Variants in DDX46 observed in about 807,000 individuals in gnomAD.
DDX46 encodes DEAD-box helicase 46, also known as probable ATP-dependent RNA helicase DDX46.
A neutral mutation model predicts 134.9 loss-of-function variants in DDX46; 30 were observed. The ratio of observed to expected loss-of-function variants is 0.22; its 90% CI spans 0.17 to 0.30. DDX46 has a LOEUF of 0.30. Among genes scored for constraint, DDX46 ranks in the 10% least tolerant of loss-of-function variants. DDX46 has a pLI of 1.00. For synonymous variants in DDX46, 415 were observed against 404.1 expected (o/e 1.03, Z -0.32); for missense variants, 622 against 1,248.7 (o/e 0.50, Z 7.56).
chr5:134,758,872 C>G lies in DDX46; in HGVS notation c.-67C>G. The stretch of plus-strand genomic sequence containing the variant: ...TTGCCGGGCGTTGAGGGCAGCTCAG[C>G]CTCCTTGTTTGTCCGGTTCGCCTGT... On this transcript the variant is annotated 5_prime_UTR_variant, in exon 1 of 23. Coordinates refer to ENST00000452510, the MANE Select transcript of DDX46 (RefSeq NM_001300860.2). 6.2e-7 allele frequency: 1 copy of G among 1,613,074 alleles called. No individual in the cohort carries two copies. The highest frequency in any genetic ancestry group is 8.5e-7 in the Non-Finnish European group (1 of 1,179,320).
rs151198008 is a variant in DDX46 at position 134,763,389 on chromosome 5, T to C, written c.18-515T>C. Among the ~76,000 whole-genome samples the C allele has an allele frequency of 2.8e-4, 43 of 152,306 alleles. No individual in the cohort carries two copies. In the East Asian group the frequency reaches 6.0e-3, roughly 21 times the overall value. On this transcript the variant is annotated intron_variant, in intron 1 of 22. Coordinates refer to ENST00000452510, the MANE Select transcript of DDX46 (RefSeq NM_001300860.2). The stretch of plus-strand genomic sequence containing the variant: ...CTGCTGTTTTTCTGACCTCGTCTTA[T>C]GGCACGCTGTGTCACTCTTTCAACA...
chr5:134,821,529 GTTTTTTGTTTTTT>G (rs1249099807), intron 21 of DDX46, among the ~76,000 whole-genome samples: 6 of 143,392 alleles, frequency 4.2e-5, no homozygotes, highest in African/African-American at 1.6e-4. Context: ...TTGTTTCTGG[GTTTTTTGTTTTTT>G]TTTTTTTTTG....
At chr5:134,789,150 T>C (rs888704370) in intron 12 of DDX46, 4 of 152,236 alleles carry the variant, frequency 2.6e-5, no homozygotes, top group Admixed American at 2.6e-4. Context: ...TGTTATGCTT[T>C]GTTAAATTAT....
Position 134,777,586 on chromosome 5 carries a change from A to G in DDX46, c.626A>G (p.Asp209Gly). 1 of 1,612,782 alleles carries G rather than the reference A, an allele frequency of 6.2e-7. No individual in the cohort carries two copies. Among genetic ancestry groups the G allele is most frequent in the Non-Finnish European group, 8.5e-7 (1 of 1,179,782 alleles). The part of the protein sequence containing the change: ...SLEDDDDDED[D>G]PAEAEKEGNE... ...TCTGGTATTTTAGATGACGAAGATG[A>G]TCCTGCAGAAGCTGAAAAGGAGGGA... The change falls in exon 6 of 23, where the codon GAT (aspartate) becomes GGT (glycine). Residue 209 changes from aspartate (D) to glycine (G), a missense_variant. Around this residue, in one of 8 missense-constraint regions of DDX46, gnomAD observed 244 missense variants for 349.3 expected, o/e 0.70. Coordinates refer to ENST00000452510, the MANE Select transcript of DDX46 (RefSeq NM_001300860.2).
At position 134,828,983 on chromosome 5, in the gene DDX46, T is replaced by G. The variant is rs1158843977; in HGVS notation, c.*277T>G. 4.0e-6 allele frequency: 1 copy of G among 250,750 alleles called. No individual in the cohort carries two copies. Among genetic ancestry groups the G allele is most frequent in the African/African-American group, 2.2e-5 (1 of 45,222 alleles). The allele number at this position is 250,750 out of a possible 1,614,324, so 15.5% of individuals were successfully genotyped here. ...AATGTCCGGATAATATTCTAGAGGT[T>G]TAAAAAATGGAAATATTTGAACTTT... On this transcript the variant is annotated 3_prime_UTR_variant, in exon 23 of 23. Coordinates refer to ENST00000452510, the MANE Select transcript of DDX46 (RefSeq NM_001300860.2).
chr5:134,797,193 A>AG (rs1754689673), intron 15 of DDX46: 1 of 291,670 alleles, frequency 3.4e-6, no homozygotes, highest in Non-Finnish European at 6.5e-6. Context: ...AAAAAAAAAA[A>AG]AAAACACAAA....
rs57945635 is a variant in DDX46 at position 134,829,929 on chromosome 5, A to AAAATAAATAAATAAATAAATAAATAAAT, written c.*1248_*1249insAATAAATAAATAAATAAATAAATAAATA. ...TGGGCGACAGAGTGAGACTATCTCA[A>AAAATAAATAAATAAATAAATAAATAAAT]AAATAAATAAATAAATAAATAAATA... On this transcript the variant is annotated 3_prime_UTR_variant, in exon 23 of 23. Coordinates refer to ENST00000452510, the MANE Select transcript of DDX46 (RefSeq NM_001300860.2). The AAAATAAATAAATAAATAAATAAATAAAT allele has an allele frequency of 6.9e-3, 1,023 of 149,022 alleles. 17 individuals carry two copies. Among genetic ancestry groups the AAAATAAATAAATAAATAAATAAATAAAT allele is most frequent in the African/African-American group, 0.025 (980 of 39,930 alleles). 9.2% of individuals were successfully genotyped at this position (149,022 alleles called of 1,614,324 possible).
chr5:134,827,430 G>C (rs1314142854), intron 22 of DDX46, among the ~76,000 whole-genome samples: 1 of 151,914 alleles, frequency 6.6e-6, no homozygotes, highest in African/African-American at 2.4e-5. Context: ...GCACACCACC[G>C]CATCTGGCTA....
chr5:134,784,788 TGAC>T, intron 10 of DDX46: 2 of 244,928 alleles, frequency 8.2e-6, no homozygotes, highest in Non-Finnish European at 1.6e-5. Context: ...TTTTAAACTC[TGAC>T]TTGGCAGGTA....
At chr5:134,814,627 G>A (rs1206614875) in intron 18 of DDX46, among the ~76,000 whole-genome samples, 2 of 152,042 alleles carry the variant, frequency 1.3e-5, no homozygotes, top group African/African-American at 2.4e-5. Flanking sequence ...GTTTTGTTTT[G>A]TTTTTATGAG....
chr5:134,764,278 T>G (rs562234317), intron 2 of DDX46, among the ~76,000 whole-genome samples, 186 bp downstream of exon 2: 4 of 151,712 alleles, frequency 2.6e-5, no homozygotes, highest in East Asian at 1.9e-4. Context: ...AAACAGTGTT[T>G]TTTTTTTTTT....
At position 134,826,963 on chromosome 5, in the gene DDX46, T is replaced by C. The variant is rs1387313511; in HGVS notation, c.2994T>C (p.Ala998=). 1.9e-6 allele frequency: 3 copies of C among 1,613,356 alleles called. No homozygotes were observed. Among genetic ancestry groups the C allele is most frequent in the Non-Finnish European group, 2.5e-6 (3 of 1,179,810 alleles). ...YLAIESANEL[A]VQKAKAEITR... Reference sequence around the variant, plus strand: ...AATCACTAGGTGCCAATGAACTGGCTGTGCAGAAAGCAAAGGCAGAAATCA... The same window carrying C: ...AATCACTAGGTGCCAATGAACTGGCCGTGCAGAAAGCAAAGGCAGAAATCA... Residue 998 remains alanine, a synonymous_variant, in exon 22 of 23, where the codon GCT becomes GCC. Coordinates refer to ENST00000452510, the MANE Select transcript of DDX46 (RefSeq NM_001300860.2).
intron 12 of DDX46, among the ~76,000 whole-genome samples, chr5:134,789,419 A>G (rs1754439019): frequency 6.6e-6 from 1 of 152,220 alleles, no homozygotes. Context: ...TTTAGTGTGT[A>G]CATAATAGAG....
intron 13 of DDX46, among the ~76,000 whole-genome samples, chr5:134,791,422 T>C (rs1001542605): frequency 1.3e-5 from 2 of 152,002 alleles, no homozygotes; most frequent in African/African-American, 4.8e-5. Flanking sequence ...TTAGCCGGGC[T>C]TGGTGGCAGG....
chr5:134,817,816 A>G, intron 20 of DDX46, 102 bp downstream of exon 20: 2 of 906,920 alleles, frequency 2.2e-6, no homozygotes, highest in Non-Finnish European at 3.3e-6. Context: ...TAGCTCCTTC[A>G]CTCTTTACCT....
chr5:134,762,293 C>G (rs1032035872), intron 1 of DDX46, among the ~76,000 whole-genome samples: 3 of 150,238 alleles, frequency 2.0e-5, no homozygotes, highest in African/African-American at 7.4e-5. Flanking sequence ...TGGTGTGTGC[C>G]TTTGGTCTCA....
At chr5:134,774,010 A>T (rs1253687664) in intron 5 of DDX46, 149 bp downstream of exon 5, 1 of 899,130 alleles carries the variant, frequency 1.1e-6, no homozygotes, top group African/African-American at 1.7e-5. Context: ...GTTTCAATTC[A>T]GTGATAAATA....
At chr5:134,801,851 GA>G (rs374751798) in intron 15 of DDX46, among the ~76,000 whole-genome samples, 43 of 152,086 alleles carry the variant, frequency 2.8e-4, no homozygotes, top group African/African-American at 1.0e-3. Flanking sequence ...GTTTTTGTGT[GA>G]ATGTCAGCTT....
At chr5:134,798,897 GA>G (rs943651596) in intron 15 of DDX46, among the ~76,000 whole-genome samples, 72 of 152,094 alleles carry the variant, frequency 4.7e-4, no homozygotes, top group African/African-American at 1.5e-3. Flanking sequence ...AAAATATTTG[GA>G]AAAAAATTTG....
Sources: gnomAD v4.1 joint callset for allele counts (sites outside exome capture counted in the v4.1 genomes callset) on GRCh38, gnomAD v4.1.1 for gene constraint, gnomAD v4.1.1 regional missense constraint, MANE v1.5 for transcripts, NCBI Gene and HGNC (gene_info 2026-07-23, HGNC 2026-07-21) for gene names.